Variants in CEP112 observed in about 807,000 individuals in gnomAD.
CEP112 encodes centrosomal protein of 112 kDa.
A neutral mutation model predicts 153.0 loss-of-function variants in CEP112; 127 were observed. That is an observed-to-expected ratio of 0.83 (90% confidence interval 0.72 to 0.96). The LOEUF (loss-of-function observed/expected upper bound fraction) is 0.96, where lower values mean the gene tolerates loss of function less well. Among genes scored for constraint, CEP112 ranks in the 40% least tolerant of loss-of-function variants. The pLI is 0.00. For missense variants in CEP112, 1,089 were observed against 1,101.2 expected (o/e 0.99, Z 0.16); for synonymous variants, 358 against 374.4 (o/e 0.96, Z 0.51).
intron 21 of CEP112, among the ~76,000 whole-genome samples, chr17:65,774,903 G>C (rs1362214065): frequency 6.6e-6 from 1 of 152,178 alleles, no homozygotes; most frequent in African/African-American, 2.4e-5. Flanking sequence ...AGGCTTTGGT[G>C]GTATTTGGCT....
At chr17:66,171,429 T>C (rs1019932156) in intron 4 of CEP112, among the ~76,000 whole-genome samples, 1 of 152,206 alleles carries the variant, frequency 6.6e-6, no homozygotes, top group Admixed American at 6.5e-5. Context: ...CATAAAAACA[T>C]ACATGTGTCA....
intron 25 of CEP112, among the ~76,000 whole-genome samples, chr17:65,638,905 T>C (rs2044937518): frequency 6.6e-6 from 1 of 152,032 alleles, no homozygotes; most frequent in Admixed American, 6.6e-5. Flanking sequence ...TCCTTTTTTT[T>C]TCCTCTTCCT....
rs189417809 is a variant in CEP112 at position 66,031,154 on chromosome 17, T to C, written c.1219-1131A>G. ...ATTCACTTTGTCTCTTCATTATCCC[T>C]CTGCTTTAGGAGCTCCTTTCAGAAA... On this transcript the variant is annotated intron_variant, in intron 12 of 26. Transcript: ENST00000535342. Among the ~76,000 whole-genome samples the C allele has an allele frequency of 8.6e-4, 131 of 152,344 alleles. 3 individuals are homozygous for C. The South Asian group carries it at 8.7e-3, about 10-fold the overall frequency.
chr17:65,917,203 T>C (rs867020840), intron 19 of CEP112, among the ~76,000 whole-genome samples: 23 of 152,124 alleles, frequency 1.5e-4, no homozygotes, highest in Admixed American at 2.6e-4. Context: ...AGATCAAGGA[T>C]TGCATTTGTC....
At chr17:65,762,333 C>T (rs1052228899) in intron 21 of CEP112, among the ~76,000 whole-genome samples, 1 of 151,806 alleles carries the variant, frequency 6.6e-6, no homozygotes, top group Non-Finnish European at 1.5e-5. Context: ...ATATTTAAAG[C>T]AGGTTTCTTG....
chr17:66,177,258 T>A (rs1263347880), intron 2 of CEP112, among the ~76,000 whole-genome samples: 1 of 152,202 alleles, frequency 6.6e-6, no homozygotes, highest in Non-Finnish European at 1.5e-5. Flanking sequence ...CATGACTATG[T>A]TCCAATAAAA....
chr17:65,937,336 G>A (rs1320263005), intron 18 of CEP112, among the ~76,000 whole-genome samples: 39 of 101,600 alleles, frequency 3.8e-4, no homozygotes, highest in African/African-American at 1.6e-3. Flanking sequence ...AGTGAGGAGC[G>A]CCTCTTCCCG....
chr17:65,901,126 G>A (rs1449027570), intron 20 of CEP112, among the ~76,000 whole-genome samples: 2 of 152,150 alleles, frequency 1.3e-5, no homozygotes, highest in Non-Finnish European at 1.5e-5. Flanking sequence ...TTTATGTTTA[G>A]ATAATCACAA....
At chr17:66,094,589 G>A (rs371009383) in intron 8 of CEP112, among the ~76,000 whole-genome samples, 5 of 152,246 alleles carry the variant, frequency 3.3e-5, no homozygotes, top group African/African-American at 9.6e-5. Context: ...ATTGCTCTGG[G>A]CAATGATGTT....
chr17:65,719,157 C>T (rs1460829006), intron 23 of CEP112, among the ~76,000 whole-genome samples: 4 of 152,248 alleles, frequency 2.6e-5, no homozygotes, highest in Non-Finnish European at 5.9e-5. Flanking sequence ...AGGCACGGGG[C>T]TCTGCTGTGA....
chr17:66,172,195 G>A (rs1261720786), intron 4 of CEP112, among the ~76,000 whole-genome samples: 1 of 152,156 alleles, frequency 6.6e-6, no homozygotes, highest in African/African-American at 2.4e-5. Flanking sequence ...AGTGCTAGGG[G>A]CTGGAAATAT....
intron 21 of CEP112, among the ~76,000 whole-genome samples, chr17:65,823,546 C>T (rs1440060662): frequency 2.0e-5 from 3 of 152,150 alleles, no homozygotes; most frequent in African/African-American, 4.8e-5. Context: ...AAACCTGAAA[C>T]TGTAAAATTC....
intron 21 of CEP112, among the ~76,000 whole-genome samples, chr17:65,811,493 T>G (rs1598652826): frequency 6.6e-6 from 1 of 152,226 alleles, no homozygotes; most frequent in East Asian, 1.9e-4. Flanking sequence ...CTGGAATTGT[T>G]AAAGACTCTA....
At chr17:65,782,344 TGTTG>T (rs1372646442) in intron 21 of CEP112, among the ~76,000 whole-genome samples, 3 of 151,896 alleles carry the variant, frequency 2.0e-5, no homozygotes, top group Non-Finnish European at 4.4e-5. Context: ...TCAAAAAACA[TGTTG>T]GTGAGGCTGC....
chr17:65,742,948 C>G, intron 23 of CEP112, 120 bp downstream of exon 23: 1 of 710,822 alleles, frequency 1.4e-6, no homozygotes, highest in Non-Finnish European at 2.2e-6. Flanking sequence ...AATGGAATTA[C>G]TGCAGGCTGT....
chr17:66,062,443 T>C (rs191037573), intron 11 of CEP112, among the ~76,000 whole-genome samples: 58 of 152,218 alleles, frequency 3.8e-4, no homozygotes, highest in African/African-American at 1.3e-3. Flanking sequence ...TTTGAGGTGA[T>C]AGAAATGCTA....
chr17:66,142,271 T>G (rs575144423), intron 4 of CEP112, among the ~76,000 whole-genome samples: 4 of 152,214 alleles, frequency 2.6e-5, no homozygotes, highest in Non-Finnish European at 5.9e-5. Context: ...TTATTACATA[T>G]GTGGCTTGCA....
intron 24 of CEP112, among the ~76,000 whole-genome samples, chr17:65,680,539 T>C (rs934650701): frequency 1.3e-4 from 20 of 152,090 alleles, no homozygotes; most frequent in East Asian, 1.2e-3. Flanking sequence ...CCGAGCACCA[T>C]TGGGCCTGAT....
chr17:65,884,803 C>A (rs776070298), intron 20 of CEP112, among the ~76,000 whole-genome samples: 1 of 150,710 alleles, frequency 6.6e-6, no homozygotes, highest in Admixed American at 6.6e-5. Flanking sequence ...CCACAACCTC[C>A]GCCTCCTGGG....
Sources: allele counts gnomAD v4.1 joint callset (sites outside exome capture counted in the v4.1 genomes callset), GRCh38; gene constraint gnomAD v4.1.1; transcripts MANE v1.5; gene names NCBI Gene and HGNC (gene_info 2026-07-23, HGNC 2026-07-21).